The following SYT9 variants were observed in gnomAD, a reference collection of about 807,000 sequenced individuals.
The protein encoded by SYT9 is synaptotagmin 9, also known as synaptotagmin-9.
SYT9 carries 22 observed loss-of-function variants against 48.4 expected under a neutral mutation model. The ratio of observed to expected loss-of-function variants is 0.45; its 90% CI spans 0.32 to 0.65. SYT9 has a LOEUF of 0.65. Among genes scored for constraint, SYT9 ranks in the 30% least tolerant of loss-of-function variants. SYT9 has a pLI of 0.03. For missense variants in SYT9, 577 were observed against 622.0 expected (o/e 0.93, Z 0.77); for synonymous variants, 265 against 245.0 (o/e 1.08, Z -0.76).
chr11:7,256,925 G>T (rs1847982360), intron 1 of SYT9, among the ~76,000 whole-genome samples: 1 of 152,092 alleles, frequency 6.6e-6, no homozygotes, highest in Non-Finnish European at 1.5e-5. Context: ...GCTTTTTCTA[G>T]GTCATGGTTT....
At chr11:7,417,542 G>T (rs1847274819) in intron 4 of SYT9, among the ~76,000 whole-genome samples, 1 of 152,140 alleles carries the variant, frequency 6.6e-6, no homozygotes, top group African/African-American at 2.4e-5. Flanking sequence ...CAGAAATTCA[G>T]AGTCTAGGAA....
At chr11:7,296,185 A>G (rs1848803696) in intron 1 of SYT9, among the ~76,000 whole-genome samples, 1 of 152,204 alleles carries the variant, frequency 6.6e-6, no homozygotes, top group Non-Finnish European at 1.5e-5. Flanking sequence ...AGGTACTATT[A>G]TTATCCCAAT....
At chr11:7,281,151 C>G (rs1848485898) in intron 1 of SYT9, among the ~76,000 whole-genome samples, 1 of 152,194 alleles carries the variant, frequency 6.6e-6, no homozygotes. Flanking sequence ...GTATGATACT[C>G]AGGCACATTT....
intron 2 of SYT9, 102 bp from the exon 3 acceptor site, chr11:7,313,293 C>G: frequency 8.0e-7 from 1 of 1,254,940 alleles, no homozygotes; most frequent in Non-Finnish European, 1.1e-6. Flanking sequence ...GATCTAAGCT[C>G]CTGACAAAAT....
At chr11:7,254,091 C>T (rs1196269910) in intron 1 of SYT9, among the ~76,000 whole-genome samples, 1 of 152,066 alleles carries the variant, frequency 6.6e-6, no homozygotes, top group African/African-American at 2.4e-5. Flanking sequence ...TCTCTTCAGC[C>T]CCTACACCAG....
In SYT9 at chr11:7,313,577, T is replaced by A. The variant is rs2133952956; in HGVS notation, c.680T>A (p.Ile227Asn). ...NSKACGKLNFILKYDCDLEQL... is the reference protein window; with the variant it reads ...NSKACGKLNFNLKYDCDLEQL... ...AAGGCTTGTGGGAAACTGAACTTCATTTTAAAATATGACTGTGACTTAGAG... is the reference window on the plus strand; with the variant it reads ...AAGGCTTGTGGGAAACTGAACTTCAATTTAAAATATGACTGTGACTTAGAG... The change falls in exon 3 of 7, where the codon ATT becomes AAT. Residue 227 changes from isoleucine (I) to asparagine (N), a missense_variant. Coordinates refer to ENST00000318881, the MANE Select transcript of SYT9 (RefSeq NM_175733.4). The A allele has an allele frequency of 1.2e-6, 2 of 1,614,138 alleles. No individual in the cohort carries two copies. Among genetic ancestry groups the A allele is most frequent in the Non-Finnish European group, 1.7e-6 (2 of 1,179,998 alleles).
chr11:7,252,756 C>T lies in SYT9; in HGVS notation c.145+425C>T, dbSNP rs1433781549. Reference sequence around the variant, plus strand: ...GGAAGTTGGGAGTTGGGGACGGCCCCGGGTTGGGGCCGAATCCCACCGGGT... The same window carrying T: ...GGAAGTTGGGAGTTGGGGACGGCCCTGGGTTGGGGCCGAATCCCACCGGGT... On this transcript the variant is annotated intron_variant, in intron 1 of 6. Coordinates refer to ENST00000318881, the MANE Select transcript of SYT9 (RefSeq NM_175733.4). This position sits in a 1 kb window ranked among gnomAD's most constrained non-coding sequence, Gnocchi z 6.3. Among the ~76,000 whole-genome samples, 1 of 152,218 alleles carries T rather than the reference C, an allele frequency of 6.6e-6. No individual in the cohort carries two copies. The highest frequency in any genetic ancestry group is 1.5e-5 in the Non-Finnish European group (1 of 68,028).
intron 1 of SYT9, among the ~76,000 whole-genome samples, chr11:7,240,400 G>GAAACAA (rs200922618): frequency 0.026 from 4,003 of 152,106 alleles, 154 homozygotes; most frequent in African/African-American, 0.091. Flanking sequence ...GGACAGAATT[G>GAAACAA]AAACAAAAAC....
At chr11:7,358,287 T>A (rs950607342) in intron 3 of SYT9, among the ~76,000 whole-genome samples, 8 of 152,180 alleles carry the variant, frequency 5.3e-5, no homozygotes, top group African/African-American at 1.9e-4. Flanking sequence ...TTATGGTTTT[T>A]TTGGCTGGTG....
At chr11:7,283,047 A>C (rs1317649638) in intron 1 of SYT9, among the ~76,000 whole-genome samples, 1 of 151,000 alleles carries the variant, frequency 6.6e-6, no homozygotes, top group Non-Finnish European at 1.5e-5. Flanking sequence ...ATTTTTATTT[A>C]CCCTTTTCTA....
intron 6 of SYT9, chr11:7,437,489 T>TG (rs1847733246): frequency 6.6e-6 from 1 of 152,188 alleles, no homozygotes; most frequent in Non-Finnish European, 1.5e-5. Flanking sequence ...AATGGGCCAC[T>TG]GCCCATTATG....
chr11:7,390,033 G>A (rs565241272), intron 3 of SYT9, among the ~76,000 whole-genome samples: 2 of 152,254 alleles, frequency 1.3e-5, no homozygotes, highest in South Asian at 2.1e-4. Flanking sequence ...TGTGCACAAC[G>A]TGCAGGTTTG....
At chr11:7,432,418 G>A (rs1302957110) in intron 6 of SYT9, among the ~76,000 whole-genome samples, 1 of 151,160 alleles carries the variant, frequency 6.6e-6, no homozygotes, top group African/African-American at 2.4e-5. Flanking sequence ...ATGGTGGCAG[G>A]TGCCTTCAAT....
intron 1 of SYT9, among the ~76,000 whole-genome samples, chr11:7,259,016 A>G (rs1391683110): frequency 2.6e-5 from 4 of 152,106 alleles, no homozygotes; most frequent in Admixed American, 6.5e-5. Flanking sequence ...ACAGGCTGCC[A>G]GTTCAATTTG....
chr11:7,406,218 G>A (rs1422616587), intron 3 of SYT9, among the ~76,000 whole-genome samples: 4 of 151,858 alleles, frequency 2.6e-5, no homozygotes, highest in African/African-American at 7.3e-5. Flanking sequence ...AAAATATATT[G>A]TTGCTACTAT....
chr11:7,378,908 A>G (rs1047923178), intron 3 of SYT9, among the ~76,000 whole-genome samples: 3 of 152,158 alleles, frequency 2.0e-5, no homozygotes, highest in African/African-American at 7.2e-5. Context: ...GCTCATCTTA[A>G]TGTGTTCTTT....
At chr11:7,241,207 AACAC>A (rs141196550) in intron 1 of SYT9, among the ~76,000 whole-genome samples, 9,713 of 144,136 alleles carry the variant, frequency 0.067, 691 homozygotes, top group African/African-American at 0.19. Flanking sequence ...TGTTATTTAA[AACAC>A]ACACACACAC....
In SYT9 at chr11:7,303,091, CTT is replaced by C. The variant is rs751533166; in HGVS notation, c.200_201del (p.Phe67TrpfsTer24). ...TGGTCACTGCCTGTGGTCTCGCTCT[CTT>C]TGGCGTGTCTCTCTTCGTATCTTGG... ...LVVTACGLAL[F>X]GVSLFVSWKL... On this transcript the variant is annotated frameshift_variant, in exon 2 of 7. Coordinates refer to ENST00000318881, the MANE Select transcript of SYT9 (RefSeq NM_175733.4). LOFTEE classifies it high-confidence loss of function. The C allele has an allele frequency of 1.2e-6, 2 of 1,614,224 alleles. No individual in the cohort carries two copies. Among genetic ancestry groups the C allele is most frequent in the Non-Finnish European group, 8.5e-7 (1 of 1,180,036 alleles).
chr11:7,394,970 G>A (rs911056034), intron 3 of SYT9, among the ~76,000 whole-genome samples: 1 of 151,868 alleles, frequency 6.6e-6, no homozygotes, highest in Non-Finnish European at 1.5e-5. Flanking sequence ...TAATTTACAT[G>A]TAAAATATGT....
Sources: allele counts gnomAD v4.1 joint callset (sites outside exome capture counted in the v4.1 genomes callset), GRCh38; gene constraint gnomAD v4.1.1; non-coding constraint Gnocchi (gnomAD v3.1); transcripts MANE v1.5; gene names NCBI Gene and HGNC (gene_info 2026-07-23, HGNC 2026-07-21).